The following MET variants were observed in gnomAD, a reference collection of about 807,000 sequenced individuals.
The protein encoded by MET is MET proto-oncogene, receptor tyrosine kinase.
In MET, 48 loss-of-function variants were observed where a neutral mutation model predicts 133.1. The ratio of observed to expected loss-of-function variants is 0.36; its 90% CI spans 0.29 to 0.46. The LOEUF (loss-of-function observed/expected upper bound fraction) is 0.46, where lower values mean the gene tolerates loss of function less well. Among genes scored for constraint, MET ranks in the 20% least tolerant of loss-of-function variants. The pLI is 1.00. For missense variants in MET, 1,442 were observed against 1,695.9 expected (o/e 0.85, Z 2.63); for synonymous variants, 628 against 616.5 (o/e 1.02, Z -0.28).
chr7:116,773,280 C>A (rs138906839), intron 14 of MET, among the ~76,000 whole-genome samples: 77 of 152,262 alleles, frequency 5.1e-4, no homozygotes, highest in Admixed American at 7.8e-4. Flanking sequence ...GCAGAGCTTT[C>A]CTCTCTACAT....
chr7:116,776,691 G>C (rs1795003131), intron 15 of MET, among the ~76,000 whole-genome samples: 1 of 152,176 alleles, frequency 6.6e-6, no homozygotes, highest in South Asian at 2.1e-4. Context: ...GAATTAATTA[G>C]TGAATGACTT....
At chr7:116,759,029 T>G (rs1172019171) in intron 9 of MET, among the ~76,000 whole-genome samples, 1 of 152,230 alleles carries the variant, frequency 6.6e-6, no homozygotes, top group Non-Finnish European at 1.5e-5. Flanking sequence ...TGCCAGACTC[T>G]CTTTGAATTG....
At chr7:116,716,505 GAAAGAA>G (rs1316298233) in intron 2 of MET, among the ~76,000 whole-genome samples, 4 of 149,704 alleles carry the variant, frequency 2.7e-5, no homozygotes, top group Non-Finnish European at 5.9e-5. Flanking sequence ...AAGAAAGAAA[GAAAGAA>G]AGAAAGAAAG....
intron 1 of MET, among the ~76,000 whole-genome samples, chr7:116,675,834 T>C (rs1221954630): frequency 1.3e-5 from 2 of 152,010 alleles, no homozygotes. Context: ...TTCATTCATA[T>C]GTGTGGGGCA....
intron 15 of MET, among the ~76,000 whole-genome samples, chr7:116,777,120 G>A (rs191147850): frequency 6.6e-6 from 1 of 152,154 alleles, no homozygotes; most frequent in East Asian, 1.9e-4. Context: ...ATTAGGTTAG[G>A]CTTTAATATG....
At chr7:116,784,400 G>A (rs1795247726) in intron 19 of MET, among the ~76,000 whole-genome samples, 1 of 152,158 alleles carries the variant, frequency 6.6e-6, no homozygotes, top group Non-Finnish European at 1.5e-5. Context: ...TACTGAGCCT[G>A]GGTAACTTAT....
chr7:116,740,065 T>C lies in MET; in HGVS notation c.1508T>C (p.Leu503Pro). The C allele has an allele frequency of 1.2e-6, 2 of 1,614,150 alleles. No individual in the cohort carries two copies. The highest frequency in any genetic ancestry group is 1.7e-6 in the Non-Finnish European group (2 of 1,179,980). Residue 503 changes from leucine to proline, a missense_variant, in exon 4 of 21, where the codon CTG (leucine) becomes CCG (proline). Transcript: ENST00000397752. Reference sequence around the variant, plus strand: ...ACATTAAACCAAAATGGCTACACACTGGTTATCACTGGGAAGAAGGTAAGC... The same window carrying C: ...ACATTAAACCAAAATGGCTACACACCGGTTATCACTGGGAAGAAGGTAAGC... Reference protein sequence around the residue: ...EHTLNQNGYTLVITGKKITKI... With the variant: ...EHTLNQNGYTPVITGKKITKI...
chr7:116,722,609 G>C (rs1288850635), intron 2 of MET, among the ~76,000 whole-genome samples: 2 of 150,930 alleles, frequency 1.3e-5, no homozygotes, highest in African/African-American at 4.8e-5. Context: ...TGATTTTGCA[G>C]CGGCTGGTAC....
At chr7:116,774,364 A>G (rs1039293658) in intron 14 of MET, among the ~76,000 whole-genome samples, 1 of 152,376 alleles carries the variant, frequency 6.6e-6, no homozygotes, top group East Asian at 1.9e-4. Context: ...ATTTACCACT[A>G]ATGTGAAAAG....
chr7:116,736,611 T>C (rs1793221453), intron 3 of MET, among the ~76,000 whole-genome samples: 1 of 152,214 alleles, frequency 6.6e-6, no homozygotes, highest in African/African-American at 2.4e-5. Context: ...ACAACAGTTT[T>C]ATTTGTACAT....
rs1432943392 is a variant in MET at position 116,759,248 on chromosome 7, AAC to A, written c.2265-141_2265-140del. ...CAAGTTAAATAAGTTGTTTCCAAAG[AAC>A]AGTTACCCATGAACTTCCATTTGAT... On this transcript the variant is annotated intron_variant, in intron 9 of 20. Transcript: ENST00000397752. 2.4e-6 allele frequency: 3 copies of A among 1,231,530 alleles called. No individual in the cohort carries two copies. The African/African-American group carries it at 4.6e-5, about 19-fold the overall frequency. The allele number at this position is 1,231,530 out of a possible 1,614,324, so 76.3% of individuals were successfully genotyped here.
In MET at chr7:116,740,951, G is replaced by C. The variant is rs763991073; in HGVS notation, c.1627G>C (p.Asp543His). ...CTTTGTTCAGTGTGGCTGGTGCCAC[G>C]ACAAATGTGTGCGATCGGAGGAATG... ...PPFVQCGWCH[D>H]KCVRSEECLS... The change falls in exon 5 of 21, where the codon GAC (aspartate) becomes CAC (histidine). Residue 543 changes from aspartate to histidine, a missense_variant. Asp to His is a moderately conservative substitution (Grantham distance 81). Transcript: ENST00000397752. 6.2e-7 allele frequency: 1 copy of C among 1,613,992 alleles called. No individual in the cohort carries two copies. The highest frequency in any genetic ancestry group is 8.5e-7 in the Non-Finnish European group (1 of 1,180,020).
chr7:116,796,546 T>A lies in MET; in HGVS notation c.*422T>A, dbSNP rs886061947. The A allele has an allele frequency of 3.0e-6, 1 of 328,904 alleles. No homozygotes were observed. The allele number at this position is 328,904 out of a possible 1,614,324, so 20.4% of individuals were successfully genotyped here. Reference sequence around the variant, plus strand: ...ACAGGCCACTCATTTAGAATTCTAGTGTTTCAAAACACTTTTGTGTGTTGT... The same window carrying A: ...ACAGGCCACTCATTTAGAATTCTAGAGTTTCAAAACACTTTTGTGTGTTGT... On this transcript the variant is annotated 3_prime_UTR_variant, in exon 21 of 21. Transcript: ENST00000397752.
rs746470357 is a variant in MET at position 116,762,905 on chromosome 7, A to G, written c.2365-145A>G. ...TTTTGCATGTATCGTGTTTCCAGAA[A>G]TGTGTAGTCTAACATTAGGAAGTTA... On this transcript the variant is annotated intron_variant, in intron 10 of 20. Coordinates refer to ENST00000397752, the MANE Select transcript of MET (RefSeq NM_000245.4). 37 of 727,260 alleles carry G rather than the reference A, an allele frequency of 5.1e-5. 1 individual carries two copies. Among genetic ancestry groups the G allele is most frequent in the South Asian group, 8.2e-5 (5 of 60,724 alleles). The allele number at this position is 727,260 out of a possible 1,614,324, so 45.1% of individuals were successfully genotyped here.
Position 116,783,300 on chromosome 7 carries a change from G to C in MET, c.3633-4G>C, listed in dbSNP as rs1477354447. 3 of 1,613,924 alleles carry C rather than the reference G, an allele frequency of 1.9e-6. No homozygotes were observed. Among genetic ancestry groups the C allele is most frequent in the Non-Finnish European group, 2.5e-6 (3 of 1,179,984 alleles). On this transcript the variant is annotated splice_region_variant and splice_polypyrimidine_tract_variant and intron_variant, in intron 18 of 20. Transcript: ENST00000397752. ...ACGGGTAATAATTTTTGTCCTTTCT[G>C]TAGGCTGGATGAAAAATTCACAGTC...
intron 12 of MET, 93 bp from the exon 13 acceptor site, chr7:116,771,405 C>T (rs1430264533): frequency 2.1e-6 from 3 of 1,399,404 alleles, no homozygotes. Flanking sequence ...TGGTAATAAC[C>T]AGTTGGTATT....
In MET at chr7:116,699,986, C is replaced by A. The variant is rs2116600616; in HGVS notation, c.902C>A (p.Thr301Lys). Residue 301 changes from threonine (T) to lysine (K), a missense_variant, in exon 2 of 21, where the codon ACA becomes AAA. By Grantham distance (78) the Thr-to-Lys change is moderately conservative. Transcript: ENST00000397752. ...YMEMPLECIL[T>K]EKRKKRSTKK... ...GAAATGCCTCTGGAGTGTATTCTCA[C>A]AGAAAAGAGAAAAAAGAGATCCACA... 1 of 1,613,902 alleles carries A rather than the reference C, an allele frequency of 6.2e-7. No homozygotes were observed. Among genetic ancestry groups the A allele is most frequent in the Non-Finnish European group, 8.5e-7 (1 of 1,179,950 alleles).
intron 2 of MET, 133 bp from the exon 3 acceptor site, chr7:116,731,535 T>A (rs1235489358): frequency 1.4e-5 from 12 of 849,850 alleles, no homozygotes; most frequent in Non-Finnish European, 2.3e-5. Context: ...TATGCCTATC[T>A]GTGGCTATTT....
intron 14 of MET, among the ~76,000 whole-genome samples, chr7:116,772,757 G>A (rs776653997): frequency 6.6e-6 from 1 of 152,138 alleles, no homozygotes; most frequent in Non-Finnish European, 1.5e-5. Context: ...AAAGTTAGAA[G>A]TTGCTCATCC....
Sources: gnomAD v4.1 joint callset for allele counts (sites outside exome capture counted in the v4.1 genomes callset) on GRCh38, gnomAD v4.1.1 for gene constraint, MANE v1.5 for transcripts, NCBI Gene and HGNC (gene_info 2026-07-23, HGNC 2026-07-21) for gene names.